MACF1: variants seen among roughly 807,000 people sequenced by gnomAD.
The protein encoded by MACF1 is microtubule-actin cross-linking factor 1.
In MACF1, 193 loss-of-function variants were observed where a neutral mutation model predicts 854.8. The observed-to-expected ratio is 0.23, with a 90% CI of 0.20 to 0.25. MACF1 has a LOEUF of 0.25. Among genes scored for constraint, MACF1 ranks in the 10% least tolerant of loss-of-function variants. The probability of loss-of-function intolerance (pLI) is 1.00; values close to 1 mark genes in which losing one functional copy is unlikely to be tolerated. For synonymous variants in MACF1, 3,185 were observed against 3,226.7 expected (o/e 0.99, Z 0.44); for missense variants, 7,722 against 8,929.1 (o/e 0.86, Z 5.45).
At chr1:39,480,090 A>G (rs1644986426) in intron 98 of MACF1, 81 bp downstream of exon 98, 1 of 1,293,116 alleles carries the variant, frequency 7.7e-7, no homozygotes. Flanking sequence ...CCTCTGAAAG[A>G]CTCCAGTGAG....
chr1:39,157,788 C>T (rs1283297369), intron 2 of MACF1, among the ~76,000 whole-genome samples: 1 of 152,032 alleles, frequency 6.6e-6, no homozygotes, highest in Admixed American at 6.6e-5. Context: ...CTCACTGCAG[C>T]CTCAACTTCC....
Position 39,284,353 on chromosome 1 carries a change from A to G in MACF1, c.1056A>G (p.Ile352Met). ...TATAGGCACTTTATAACCAATATAT[A>G]CACTTCAAAGAAACAGAAATTCTGG... ...VELKALYNQY[I>M]HFKETEILAK... Residue 352 changes from isoleucine (I) to methionine (M), a missense_variant, in exon 11 of 101, where the codon ATA (isoleucine) becomes ATG (methionine). By Grantham distance (10) the Ile-to-Met change is conservative. Around this residue, in one of 15 missense-constraint regions of MACF1, gnomAD observed 97 missense variants for 130.4 expected, o/e 0.74. Coordinates refer to ENST00000564288, the MANE Select transcript of MACF1 (RefSeq NM_001394062.1). The G allele has an allele frequency of 6.3e-7, 1 of 1,598,968 alleles. No homozygotes were observed. Among genetic ancestry groups the G allele is most frequent in the Non-Finnish European group, 8.5e-7 (1 of 1,175,062 alleles).
At position 39,333,735 on chromosome 1, in the gene MACF1, T is replaced by C; in HGVS notation, c.7147T>C (p.Ser2383Pro). 8 of 1,614,170 alleles carry C rather than the reference T, an allele frequency of 5.0e-6. No homozygotes were observed. The highest frequency in any genetic ancestry group is 6.8e-6 in the Non-Finnish European group (8 of 1,180,026). The change falls in exon 37 of 101, where the codon TCT becomes CCT. Residue 2383 changes from serine (S) to proline (P), a missense_variant. By Grantham distance (74) the Ser-to-Pro change is moderately conservative. Transcript: ENST00000564288. ...AGACCCCCGTACCCAGACACTGTGC[T>C]CTGTAAAGGATGCAGTTACAGTTGG... is the stretch of plus-strand genomic sequence containing the variant. ...VLDPRTQTLC[S>P]VKDAVTVGLL...
At chr1:39,113,001 A>G (rs571887219) in intron 2 of MACF1, among the ~76,000 whole-genome samples, 6 of 152,120 alleles carry the variant, frequency 3.9e-5, no homozygotes, top group African/African-American at 1.2e-4. Flanking sequence ...AAGCAAAAAC[A>G]TCATCCCTTA....
chr1:39,477,077 A>ATATACACACACATATATACACTTAGTG (rs1557675037), intron 97 of MACF1, among the ~76,000 whole-genome samples: 203 of 19,190 alleles, frequency 0.011, 5 homozygotes, highest in African/African-American at 0.024. Context: ...ATATATATAT[A>ATATACACACACATATATACACTTAGTG]TATATATATA....
In MACF1 at chr1:39,485,947, T is replaced by TA. The variant is rs904533387; in HGVS notation, c.*154dup. The TA allele has an allele frequency of 2.3e-6, 2 of 861,380 alleles. No individual in the cohort carries two copies. The highest frequency in any genetic ancestry group is 3.5e-5 in the African/African-American group (2 of 57,062). 53.4% of individuals were successfully genotyped at this position (861,380 alleles called of 1,614,324 possible). ...CCTTATTTTTTTTCTTTTTGTAAGT[T>TA]ACTATTTTCATGTGAATATTTATGT... On this transcript the variant is annotated 3_prime_UTR_variant, in exon 101 of 101. Coordinates refer to ENST00000564288, the MANE Select transcript of MACF1 (RefSeq NM_001394062.1).
intron 2 of MACF1, 191 bp from the exon 3 acceptor site, chr1:39,249,823 G>A (rs1033646254): frequency 4.3e-6 from 2 of 462,384 alleles, no homozygotes; most frequent in Non-Finnish European, 7.7e-6. Flanking sequence ...AAACACACAC[G>A]TTTCTGGTAA....
chr1:39,329,035 A>G (rs1475533059), intron 36 of MACF1, among the ~76,000 whole-genome samples: 1 of 152,218 alleles, frequency 6.6e-6, no homozygotes, highest in Non-Finnish European at 1.5e-5. Context: ...TTCTAAAAGG[A>G]ATTTTTAAGG....
Position 39,204,914 on chromosome 1 carries a change from T to G in MACF1, c.-109T>G, listed in dbSNP as rs193138110. The G allele has an allele frequency of 2.3e-4, 149 of 643,862 alleles. No homozygotes were observed. Among genetic ancestry groups the G allele is most frequent in the African/African-American group, 2.3e-3 (126 of 55,418 alleles). The allele number at this position is 643,862 out of a possible 1,614,324, so 39.9% of individuals were successfully genotyped here. ...TTTCTGACAACACTAAGCTCCGGCC[T>G]CTGCCTCTGCTGATAGTACAGGACA... On this transcript the variant is annotated 5_prime_UTR_variant, in exon 1 of 101. Transcript: ENST00000564288.
rs772304855 is a variant in MACF1, at chr1:39,387,422, ACTT to A, written c.14584_14586del (p.Leu4862del). 5.6e-6 allele frequency: 9 copies of A among 1,614,178 alleles called. No homozygotes were observed. The South Asian group carries it at 8.8e-5, about 16-fold the overall frequency. ...TGATTGTGGCTGAAGGGGAATCTCT[ACTT>A]CTTTCTGTACCTCCTGGAGAAGAGA... On this transcript the variant is annotated inframe_deletion, in exon 58 of 101. Transcript: ENST00000564288.
chr1:39,201,950 ATAT>A (rs1455534417), upstream of MACF1, among the ~76,000 whole-genome samples: 4 of 114,072 alleles, frequency 3.5e-5, no homozygotes, highest in African/African-American at 9.9e-5. Context: ...TTGTTTGCTC[ATAT>A]TCTTTTTTTT....
At chr1:39,235,070 C>G (rs1028721833) in intron 2 of MACF1, among the ~76,000 whole-genome samples, 7 of 151,736 alleles carry the variant, frequency 4.6e-5, no homozygotes, top group Admixed American at 4.6e-4. Flanking sequence ...GATGGGCGGC[C>G]AGGCAGAGAC....
intron 58 of MACF1, among the ~76,000 whole-genome samples, chr1:39,399,509 G>C (rs1257960633): frequency 1.3e-5 from 2 of 151,284 alleles, no homozygotes; most frequent in Non-Finnish European, 2.9e-5. Context: ...CAAGTATCTG[G>C]GATTACAGGC....
chr1:39,189,927 A>C (rs918589675), intron 2 of MACF1, among the ~76,000 whole-genome samples: 3 of 152,242 alleles, frequency 2.0e-5, no homozygotes, highest in African/African-American at 4.8e-5. Flanking sequence ...AGGCAACTAA[A>C]TATTTCACAG....
intron 91 of MACF1, chr1:39,459,875 G>A: frequency 1.5e-6 from 2 of 1,299,360 alleles, no homozygotes; most frequent in Non-Finnish European, 2.0e-6. Context: ...TAGGTCAGTT[G>A]ACTTTTAAGC....
At chr1:39,201,569 G>A (rs1644390130), upstream of MACF1, among the ~76,000 whole-genome samples, 1 of 152,170 alleles carries the variant, frequency 6.6e-6, no homozygotes, top group South Asian at 2.1e-4. Context: ...AGTCAGGATG[G>A]TCTCGATCTC....
At chr1:39,183,119 C>A (rs115368524) in intron 2 of MACF1, among the ~76,000 whole-genome samples, 2,501 of 152,208 alleles carry the variant, frequency 0.016, 75 homozygotes, top group African/African-American at 0.058. Flanking sequence ...TTGTATGATT[C>A]CATTTATACC....
intron 52 of MACF1, among the ~76,000 whole-genome samples, chr1:39,376,923 C>T (rs896705013): frequency 6.6e-5 from 10 of 151,768 alleles, no homozygotes; most frequent in African/African-American, 2.4e-4. Flanking sequence ...GACAGGGTCT[C>T]GTGTTGCCTA....
intron 2 of MACF1, among the ~76,000 whole-genome samples, chr1:39,109,429 C>A (rs1177428241): frequency 1.3e-5 from 2 of 152,098 alleles, no homozygotes; most frequent in African/African-American, 4.8e-5. Flanking sequence ...GCCACCATGC[C>A]TGGCTAATTT....
Sources: gnomAD v4.1 joint callset for allele counts (sites outside exome capture counted in the v4.1 genomes callset) on GRCh38, gnomAD v4.1.1 for gene constraint, gnomAD v4.1.1 regional missense constraint, MANE v1.5 for transcripts, NCBI Gene and HGNC (gene_info 2026-07-23, HGNC 2026-07-21) for gene names.